The following ASAP2 variants were observed in gnomAD, a reference collection of about 807,000 sequenced individuals.
The protein encoded by ASAP2 is ArfGAP with SH3 domain, ankyrin repeat and PH domain 2.
In ASAP2, 45 loss-of-function variants were observed where a neutral mutation model predicts 131.4. The observed-to-expected ratio is 0.34, with a 90% confidence interval of 0.27 to 0.44. The LOEUF is 0.44. Among genes scored for constraint, ASAP2 ranks in the 20% least tolerant of loss-of-function variants. The probability of loss-of-function intolerance (pLI) is 1.00; values close to 1 mark genes in which losing one functional copy is unlikely to be tolerated. For synonymous variants in ASAP2, 510 were observed against 503.0 expected, an observed-to-expected ratio of 1.01 and a Z score of -0.19; for missense variants, 1,011 against 1,297.0, an observed-to-expected ratio of 0.78 and a Z score of 3.39.
Position 9,206,965 on chromosome 2 carries a change from C to G in ASAP2, c.-140C>G, listed in dbSNP as rs1293595333. 3.3e-5 allele frequency: 28 copies of G among 846,936 alleles called. 1 individual carries two copies. The South Asian group carries it at 1.1e-3, about 34-fold the overall frequency. 52.5% of individuals were successfully genotyped at this position (846,936 alleles called of 1,614,324 possible). On this transcript the variant is annotated 5_prime_UTR_variant, in exon 1 of 28. Coordinates refer to ENST00000281419, the MANE Select transcript of ASAP2 (RefSeq NM_003887.3). The surrounding 1 kb of genome is among the most constrained non-coding windows in gnomAD (Gnocchi z 4.0). The stretch of plus-strand genomic sequence containing the variant: ...CTCCGCCGCCAGGCCCCGCGCGGCT[C>G]CCGCGCCCGGCGCTCCCCTTTGTCC...
chr2:9,373,563 T>G (rs1196295168), intron 16 of ASAP2, among the ~76,000 whole-genome samples: 1 of 152,222 alleles, frequency 6.6e-6, no homozygotes, highest in Non-Finnish European at 1.5e-5. Context: ...AGGCTCCCCT[T>G]CTGGGGGGCC....
At chr2:9,377,632 G>A (rs76669851) in intron 18 of ASAP2, among the ~76,000 whole-genome samples, 3,159 of 152,260 alleles carry the variant, frequency 0.021, 106 homozygotes, top group East Asian at 0.094. Context: ...CTCCCTGATC[G>A]TGGTTTGAGC....
At chr2:9,291,671 T>G (rs1165063125) in intron 2 of ASAP2, among the ~76,000 whole-genome samples, 2 of 152,080 alleles carry the variant, frequency 1.3e-5, no homozygotes, top group Non-Finnish European at 2.9e-5. Flanking sequence ...GCATGGAAGG[T>G]TGGAATGTGG....
At chr2:9,318,447 C>G (rs1291285887) in intron 3 of ASAP2, 77 bp from the exon 4 acceptor site, 1 of 1,069,934 alleles carries the variant, frequency 9.3e-7, no homozygotes, top group Non-Finnish European at 1.4e-6. Context: ...CAAATGTTCT[C>G]TCTAATGTCC....
Position 9,403,382 on chromosome 2 carries a change from A to G in ASAP2, c.*55A>G. 2.6e-6 allele frequency: 4 copies of G among 1,547,698 alleles called. No individual in the cohort carries two copies. The highest frequency in any genetic ancestry group is 3.6e-6 in the Non-Finnish European group (4 of 1,122,124). On this transcript the variant is annotated 3_prime_UTR_variant, in exon 28 of 28. Transcript: ENST00000281419. ...ATGTTCCTGTTTCGTTATTGGTACC[A>G]AAACTCTTGCCAGATAACCAGTTTC...
At chr2:9,312,677 G>C (rs967870351) in intron 3 of ASAP2, among the ~76,000 whole-genome samples, 2 of 152,064 alleles carry the variant, frequency 1.3e-5, no homozygotes, top group African/African-American at 4.8e-5. Flanking sequence ...GTTTCCACTT[G>C]GTAGTTTACT....
chr2:9,346,435 CAAAA>C (rs879767444), intron 11 of ASAP2, among the ~76,000 whole-genome samples: 1 of 98,048 alleles, frequency 1.0e-5, no homozygotes, highest in Non-Finnish European at 2.2e-5. Context: ...GACTCCATCT[CAAAA>C]AAAAAAAAAA....
At chr2:9,238,958 T>G (rs1462648139) in intron 1 of ASAP2, among the ~76,000 whole-genome samples, 1 of 152,208 alleles carries the variant, frequency 6.6e-6, no homozygotes, top group African/African-American at 2.4e-5. Flanking sequence ...CTTGCTGTAC[T>G]GTGTTCCCTG....
At position 9,230,662 on chromosome 2, in the gene ASAP2, C is replaced by T. The variant is rs146844203; in HGVS notation, c.126+23432C>T. On this transcript the variant is annotated intron_variant, in intron 1 of 27. Coordinates refer to ENST00000281419, the MANE Select transcript of ASAP2 (RefSeq NM_003887.3). ...CCCCTGAGCTGCTTGGCGAGGAGGA[C>T]GGTCCATGTTTTCCATCACAGCTGG... is the stretch of plus-strand genomic sequence containing the variant. Among the ~76,000 whole-genome samples the T allele has an allele frequency of 2.4e-4, 36 of 152,286 alleles. 1 individual carries two copies. In the East Asian group the frequency reaches 6.4e-3, roughly 27 times the overall value.
intron 1 of ASAP2, among the ~76,000 whole-genome samples, chr2:9,261,957 T>G (rs1039154815): frequency 3.3e-5 from 5 of 152,320 alleles, no homozygotes; most frequent in African/African-American, 9.6e-5. Flanking sequence ...CCCCACCATT[T>G]GCCATGTGCC....
chr2:9,281,444 A>G lies in ASAP2; in HGVS notation c.199+2055A>G, dbSNP rs1485301884. Among the ~76,000 whole-genome samples the G allele has an allele frequency of 6.6e-6, 1 of 152,186 alleles. No individual in the cohort carries two copies. Among genetic ancestry groups the G allele is most frequent in the Non-Finnish European group, 1.5e-5 (1 of 68,034 alleles). On this transcript the variant is annotated intron_variant, in intron 2 of 27. Transcript: ENST00000281419. This position sits in a 1 kb window ranked among gnomAD's most constrained non-coding sequence, Gnocchi z 4.0. ...GGTGTCAGGAAGCTGGCCTGCAGGA[A>G]TTTAACAGCACCTCTGTCTAATTTG... is the stretch of plus-strand genomic sequence containing the variant.
intron 11 of ASAP2, among the ~76,000 whole-genome samples, chr2:9,348,800 G>A (rs1208184383): frequency 1.3e-5 from 2 of 152,172 alleles, no homozygotes; most frequent in South Asian, 2.1e-4. Flanking sequence ...CAGGGAAAAA[G>A]GAAGACTGCA....
intron 24 of ASAP2, 135 bp from the exon 25 acceptor site, chr2:9,399,888 A>C: frequency 1.2e-6 from 1 of 808,908 alleles, no homozygotes; most frequent in Non-Finnish European, 2.0e-6. Context: ...TAAAAAAGAG[A>C]CAGCTAAGTG....
At chr2:9,312,722 G>A (rs950699300) in intron 3 of ASAP2, among the ~76,000 whole-genome samples, 2 of 152,036 alleles carry the variant, frequency 1.3e-5, no homozygotes, top group African/African-American at 4.8e-5. Context: ...CCATTCACCC[G>A]AGGGGAGAGG....
intron 1 of ASAP2, among the ~76,000 whole-genome samples, chr2:9,265,452 C>T (rs1665874112): frequency 1.3e-5 from 2 of 152,028 alleles, no homozygotes; most frequent in Admixed American, 6.6e-5. Context: ...ACCTCAATAC[C>T]CTGCTTGATG....
chr2:9,354,336 C>T (rs1672548342), intron 12 of ASAP2, among the ~76,000 whole-genome samples: 2 of 152,238 alleles, frequency 1.3e-5, no homozygotes, highest in African/African-American at 4.8e-5. Context: ...CTGTCTCCTC[C>T]TGCTCTTCTC....
intron 1 of ASAP2, among the ~76,000 whole-genome samples, chr2:9,239,807 C>T (rs1663817941): frequency 6.6e-6 from 1 of 152,000 alleles, no homozygotes; most frequent in African/African-American, 2.4e-5. Context: ...CTCACTGCAG[C>T]CTTGGCCTTT....
intron 12 of ASAP2, among the ~76,000 whole-genome samples, chr2:9,354,254 A>G (rs943507943): frequency 9.2e-5 from 14 of 152,212 alleles, no homozygotes; most frequent in African/African-American, 2.9e-4. Flanking sequence ...GTTAGCGGCC[A>G]GTAGAGCCAG....
At chr2:9,291,038 C>T (rs954498435) in intron 2 of ASAP2, among the ~76,000 whole-genome samples, 1 of 152,114 alleles carries the variant, frequency 6.6e-6, no homozygotes, top group African/African-American at 2.4e-5. Flanking sequence ...ATTTTATGTC[C>T]TCCCTTTTTT....
Sources: gnomAD v4.1 joint callset for allele counts (sites outside exome capture counted in the v4.1 genomes callset) on GRCh38, gnomAD v4.1.1 for gene constraint, Gnocchi (gnomAD v3.1) non-coding constraint, MANE v1.5 for transcripts, NCBI Gene and HGNC (gene_info 2026-07-23, HGNC 2026-07-21) for gene names.